Variants in ACOXL observed in about 807,000 individuals in gnomAD.
ACOXL encodes acyl-coenzyme A oxidase-like protein.
Under a neutral mutation model 71.9 loss-of-function variants are expected in ACOXL, and 70 were observed. That is an observed-to-expected ratio of 0.97 (90% CI 0.80 to 1.19). The LOEUF (loss-of-function observed/expected upper bound fraction) is 1.19. Among genes scored for constraint, ACOXL ranks in the 50% most tolerant of loss-of-function variants. The pLI is 0.00. For missense variants in ACOXL, 703 were observed against 736.3 expected (o/e 0.95, Z 0.52); for synonymous variants, 253 against 281.6 (o/e 0.90, Z 1.02).
chr2:110,945,362 CTTTTTTT>C (rs35191683), intron 12 of ACOXL, among the ~76,000 whole-genome samples: 1 of 133,284 alleles, frequency 7.5e-6, no homozygotes, highest in African/African-American at 2.7e-5. Flanking sequence ...CATTTGTCAA[CTTTTTTT>C]TTTTTTTTTT....
intron 17 of ACOXL, among the ~76,000 whole-genome samples, chr2:111,111,103 TTTA>T (rs1181741992): frequency 6.6e-6 from 1 of 152,128 alleles, no homozygotes; most frequent in East Asian, 1.9e-4. Context: ...ATTTATTTTA[TTTA>T]TTTATTTTTT....
At chr2:111,079,721 G>A (rs2149967753) in intron 16 of ACOXL, among the ~76,000 whole-genome samples, 1 of 152,182 alleles carries the variant, frequency 6.6e-6, no homozygotes, top group South Asian at 2.1e-4. Context: ...TCCATGCACT[G>A]TGTCCAGAAA....
intron 16 of ACOXL, among the ~76,000 whole-genome samples, chr2:111,066,989 G>A (rs1027423168): frequency 1.3e-5 from 2 of 152,128 alleles, no homozygotes; most frequent in Admixed American, 1.3e-4. Context: ...AACTTTGAAT[G>A]ATAAAAATAA....
At chr2:111,020,138 G>A (rs1574502576) in intron 14 of ACOXL, among the ~76,000 whole-genome samples, 1 of 152,298 alleles carries the variant, frequency 6.6e-6, no homozygotes, top group East Asian at 1.9e-4. Context: ...GGGATTGCAG[G>A]CATGAGCCAC....
At chr2:110,769,572 A>G (rs957513707) in intron 2 of ACOXL, among the ~76,000 whole-genome samples, 1 of 151,870 alleles carries the variant, frequency 6.6e-6, no homozygotes, top group African/African-American at 2.4e-5. Context: ...GGATCACTTG[A>G]GGCCAGGAGT....
chr2:111,044,449 T>C (rs886177511), intron 15 of ACOXL, among the ~76,000 whole-genome samples: 2 of 152,226 alleles, frequency 1.3e-5, no homozygotes, highest in African/African-American at 4.8e-5. Context: ...CCTCTAAAGC[T>C]TAGCCGCAGG....
At chr2:110,841,891 A>G (rs529174316) in intron 10 of ACOXL, among the ~76,000 whole-genome samples, 2 of 152,246 alleles carry the variant, frequency 1.3e-5, no homozygotes, top group South Asian at 2.1e-4. Context: ...TCTCTACTGT[A>G]TTACACTTGT....
At chr2:110,830,678 C>T (rs528969582) in intron 9 of ACOXL, among the ~76,000 whole-genome samples, 103 of 152,116 alleles carry the variant, frequency 6.8e-4, no homozygotes, top group African/African-American at 2.1e-3. Context: ...GGACTACAGG[C>T]GCCCGCCACC....
chr2:110,736,859 A>T (rs980969974), intron 1 of ACOXL, among the ~76,000 whole-genome samples: 1 of 152,206 alleles, frequency 6.6e-6, no homozygotes, highest in South Asian at 2.1e-4. Context: ...TGACCTCATG[A>T]TCTGCCCGCC....
chr2:110,835,002 G>C (rs1418757979), intron 9 of ACOXL, among the ~76,000 whole-genome samples: 3 of 152,338 alleles, frequency 2.0e-5, no homozygotes, highest in South Asian at 4.1e-4. Flanking sequence ...GCAGCATAAT[G>C]GGTCTTAGAT....
At chr2:110,951,201 G>C (rs953367117) in intron 12 of ACOXL, among the ~76,000 whole-genome samples, 5 of 152,158 alleles carry the variant, frequency 3.3e-5, no homozygotes, top group African/African-American at 1.2e-4. Flanking sequence ...CAGCTGAGTA[G>C]ATATCTATTA....
At position 111,002,810 on chromosome 2, in the gene ACOXL, A is replaced by C. The variant is rs140914055; in HGVS notation, c.1281+6806A>C. Among the ~76,000 whole-genome samples, 903 of 152,226 alleles carry C rather than the reference A, an allele frequency of 5.9e-3. 4 individuals carry two copies. The highest frequency in any genetic ancestry group is 0.021 in the African/African-American group (858 of 41,532). ...ATGCTTGGGACAAGAAGTGTTTCCA[A>C]TGCAGATTTTTTCTGACTTTGGAAT... is the stretch of plus-strand genomic sequence containing the variant. On this transcript the variant is annotated intron_variant, in intron 14 of 17. Transcript: ENST00000439055.
chr2:110,874,274 G>A lies in ACOXL; in HGVS notation c.788+32869G>A, dbSNP rs574416062. Among the ~76,000 whole-genome samples, 21 of 152,324 alleles carry A rather than the reference G, an allele frequency of 1.4e-4. No individual in the cohort carries two copies. The Middle Eastern group carries it at 0.01, about 74-fold the overall frequency. ...TGGGCACGACATTTGCGTGCCCCAC[G>A]TTGGTTGGCATCAGCATGACAAGAA... On this transcript the variant is annotated intron_variant, in intron 10 of 17. Coordinates refer to ENST00000439055, the MANE Select transcript of ACOXL (RefSeq NM_001142807.4).
chr2:110,826,577 A>G (rs1203819820), intron 9 of ACOXL, among the ~76,000 whole-genome samples: 1 of 152,154 alleles, frequency 6.6e-6, no homozygotes, highest in Admixed American at 6.5e-5. Context: ...TGTATTTCAG[A>G]TGCATTAAAT....
In ACOXL at chr2:111,117,985, G is replaced by C. The variant is rs1399442880; in HGVS notation, c.*169G>C. The C allele has an allele frequency of 1.3e-6, 1 of 787,044 alleles. No homozygotes were observed. The highest frequency in any genetic ancestry group is 2.0e-6 in the Non-Finnish European group (1 of 507,744). The allele number at this position is 787,044 out of a possible 1,614,324, so 48.8% of individuals were successfully genotyped here. On this transcript the variant is annotated 3_prime_UTR_variant, in exon 18 of 18. Transcript: ENST00000439055. ...CCGAGGCTGGCGAGGTGCGCGGCTG[G>C]CTGCTAGGAAAGAGATCCAGACGGT...
At chr2:110,778,828 A>G (rs1312834993) in intron 2 of ACOXL, among the ~76,000 whole-genome samples, 2 of 152,212 alleles carry the variant, frequency 1.3e-5, no homozygotes, top group African/African-American at 2.4e-5. Context: ...AATGGGAACA[A>G]TATTTGCTCA....
chr2:111,005,008 A>C (rs945640432), intron 14 of ACOXL, among the ~76,000 whole-genome samples: 2 of 152,246 alleles, frequency 1.3e-5, no homozygotes, highest in Non-Finnish European at 2.9e-5. Flanking sequence ...ATTCTCAGTA[A>C]TCAATCTGTT....
intron 16 of ACOXL, among the ~76,000 whole-genome samples, chr2:111,081,583 AT>A (rs766394530): frequency 1.6e-4 from 25 of 152,318 alleles, no homozygotes; most frequent in Non-Finnish European, 3.1e-4. Context: ...TATCATGAAA[AT>A]GGCCATACTG....
Position 110,963,600 on chromosome 2 carries a change from T to G in ACOXL, c.1060-23508T>G, listed in dbSNP as rs374596162. 7.0e-6 allele frequency: 9 copies of G among 1,288,448 alleles called. No homozygotes were observed. The African/African-American group carries it at 2.2e-4, about 31-fold the overall frequency. The allele number at this position is 1,288,448 out of a possible 1,614,324, so 79.8% of individuals were successfully genotyped here. On this transcript the variant is annotated intron_variant, in intron 12 of 17. Coordinates refer to ENST00000439055, the MANE Select transcript of ACOXL (RefSeq NM_001142807.4). ...GTGTGTGTGTGTGTGTGTGTGTGTG[T>G]GTGTTTTTCTCTTTCTGCAACAGGG...
Sources: allele counts gnomAD v4.1 joint callset (sites outside exome capture counted in the v4.1 genomes callset), GRCh38; gene constraint gnomAD v4.1.1; transcripts MANE v1.5; gene names NCBI Gene and HGNC (gene_info 2026-07-23, HGNC 2026-07-21).